The following PCDH15 variants were observed in gnomAD, a reference collection of about 807,000 sequenced individuals.
PCDH15 encodes protocadherin-15.
PCDH15 carries 129 observed loss-of-function variants against 178.5 expected under a neutral mutation model. That is an observed-to-expected ratio of 0.72 (90% CI 0.63 to 0.84). The LOEUF (loss-of-function observed/expected upper bound fraction) is 0.84, where lower values mean the gene tolerates loss of function less well. Among genes scored for constraint, PCDH15 ranks in the 40% least tolerant of loss-of-function variants. The pLI is 0.00. For synonymous variants in PCDH15, 800 were observed against 732.0 expected (o/e 1.09, Z -1.50); for missense variants, 2,230 against 2,099.9 (o/e 1.06, Z -1.21).
At chr10:53,830,831 T>C (rs1391243170) in intron 30 of PCDH15, among the ~76,000 whole-genome samples, 1 of 152,158 alleles carries the variant, frequency 6.6e-6, no homozygotes, top group African/African-American at 2.4e-5. Context: ...TTACATGCTA[T>C]GATTTTACAA....
chr10:54,975,450 T>C (rs370676861), intron 2 of PCDH15, among the ~76,000 whole-genome samples: 1 of 152,184 alleles, frequency 6.6e-6, no homozygotes, highest in Non-Finnish European at 1.5e-5. Context: ...TGTTAGTGTT[T>C]TGCGGAACCG....
chr10:55,487,315 A>G (rs1270882225), intron 2 of PCDH15, among the ~76,000 whole-genome samples: 2 of 151,660 alleles, frequency 1.3e-5, no homozygotes, highest in Non-Finnish European at 3.0e-5. Flanking sequence ...GCACAATCTC[A>G]TAAGCACAAC....
chr10:55,280,810 C>G (rs1389761249), intron 1 of PCDH15, among the ~76,000 whole-genome samples: 4 of 152,042 alleles, frequency 2.6e-5, no homozygotes, highest in Admixed American at 6.6e-5. Context: ...ATGACCACCT[C>G]AATGTTCTGC....
At position 54,752,513 on chromosome 10, in the gene PCDH15, CAAACAAACAAACAAACA is replaced by C. The variant is rs1467500259; in HGVS notation, c.-29+48395_-29+48411del. On this transcript the variant is annotated intron_variant, in intron 1 of 37. Transcript: ENST00000644397. ...AAAACAAAAAACAAAAAACAAAAAA[CAAACAAACAAACAAACA>C]AAAAAAAACAATAAAACAATTTTCC... Among the ~76,000 whole-genome samples the C allele has an allele frequency of 1.4e-3, 77 of 54,650 alleles. 10 individuals are homozygous for C. The highest frequency in any genetic ancestry group is 0.015 in the Middle Eastern group (1 of 68). The allele number at this position is 54,650 out of a possible 152,430, so 35.9% of individuals were successfully genotyped here. A position where few individuals can be genotyped will look rare whatever the true frequency, so the allele number is the denominator to read the frequency against.
At chr10:55,461,385 G>A (rs1029022549) in intron 2 of PCDH15, among the ~76,000 whole-genome samples, 1 of 152,044 alleles carries the variant, frequency 6.6e-6, no homozygotes, top group Non-Finnish European at 1.5e-5. Flanking sequence ...TTTCACATCA[G>A]CATGTATTTA....
intron 27 of PCDH15, among the ~76,000 whole-genome samples, chr10:53,859,041 T>A (rs983251831): frequency 2.0e-5 from 3 of 151,918 alleles, no homozygotes; most frequent in African/African-American, 4.8e-5. Context: ...CCTCCTTTTT[T>A]TCTTTCTTTT....
At chr10:53,943,087 A>C (rs2086210409) in intron 23 of PCDH15, among the ~76,000 whole-genome samples, 2 of 152,208 alleles carry the variant, frequency 1.3e-5, no homozygotes, top group South Asian at 4.1e-4. Context: ...ACTGCACAAG[A>C]TAGAAGCTAA....
chr10:54,761,557 T>C (rs1947873980), intron 1 of PCDH15, among the ~76,000 whole-genome samples: 1 of 151,884 alleles, frequency 6.6e-6, no homozygotes. Context: ...GTGATACACA[T>C]TTGTAATCCA....
chr10:54,789,433 G>A (rs68010557), intron 1 of PCDH15, among the ~76,000 whole-genome samples: 3 of 151,732 alleles, frequency 2.0e-5, no homozygotes, highest in Non-Finnish European at 4.4e-5. Context: ...GTGTGTGTGT[G>A]TATGTGTGTG....
chr10:54,273,900 G>A (rs1564838928), intron 8 of PCDH15, among the ~76,000 whole-genome samples: 1 of 152,016 alleles, frequency 6.6e-6, no homozygotes, highest in Non-Finnish European at 1.5e-5. Context: ...GCCCACCAGT[G>A]GTCTGCGGGA....
chr10:55,413,229 C>T (rs1036630545), intron 2 of PCDH15, among the ~76,000 whole-genome samples: 7 of 151,390 alleles, frequency 4.6e-5, no homozygotes, highest in African/African-American at 1.7e-4. Flanking sequence ...TACATTTATT[C>T]ATTTATTCAC....
At chr10:54,017,870 G>T (rs963247457) in intron 20 of PCDH15, among the ~76,000 whole-genome samples, 2 of 151,918 alleles carry the variant, frequency 1.3e-5, no homozygotes, top group African/African-American at 4.8e-5. Context: ...TGTGACTGAA[G>T]AATTATCTTA....
intron 1 of PCDH15, among the ~76,000 whole-genome samples, chr10:54,704,174 C>G (rs1291768068): frequency 6.6e-6 from 1 of 152,040 alleles, no homozygotes; most frequent in Admixed American, 6.6e-5. Context: ...CCAAGAAATA[C>G]CATTCTGGAC....
intron 2 of PCDH15, among the ~76,000 whole-genome samples, chr10:55,113,609 T>C (rs1217606339): frequency 6.6e-6 from 1 of 152,184 alleles, no homozygotes; most frequent in Non-Finnish European, 1.5e-5. Flanking sequence ...TTCCTCCACT[T>C]CCACTGGAGA....
intron 25 of PCDH15, among the ~76,000 whole-genome samples, chr10:53,922,058 G>A (rs919680188): frequency 6.6e-6 from 1 of 151,696 alleles, no homozygotes; most frequent in African/African-American, 2.4e-5. Context: ...GAAGAAAGTT[G>A]TCTTTGTTTA....
intron 15 of PCDH15, among the ~76,000 whole-genome samples, chr10:54,127,907 G>A (rs2042115335): frequency 6.6e-6 from 1 of 151,980 alleles, no homozygotes; most frequent in Non-Finnish European, 1.5e-5. Flanking sequence ...TTAATATGAT[G>A]CCTTACTCAT....
At chr10:54,827,323 C>T (rs946862195) in intron 3 of PCDH15, among the ~76,000 whole-genome samples, 1 of 152,046 alleles carries the variant, frequency 6.6e-6, no homozygotes, top group Non-Finnish European at 1.5e-5. Context: ...CTGCAGTGAA[C>T]ACTTTATTTT....
intron 2 of PCDH15, among the ~76,000 whole-genome samples, chr10:55,118,228 T>C (rs1837674659): frequency 6.6e-6 from 1 of 152,174 alleles, no homozygotes; most frequent in South Asian, 2.1e-4. Context: ...TAGGGCTGTT[T>C]CAGGGATGAA....
intron 2 of PCDH15, among the ~76,000 whole-genome samples, chr10:54,547,981 C>T (rs1486845451): frequency 1.3e-5 from 2 of 151,076 alleles, no homozygotes; most frequent in Non-Finnish European, 2.9e-5. Context: ...ATTGTTGAGA[C>T]TTGATATTTT....
Sources: allele counts gnomAD v4.1 joint callset (sites outside exome capture counted in the v4.1 genomes callset), GRCh38; gene constraint gnomAD v4.1.1; transcripts MANE v1.5; gene names NCBI Gene and HGNC (gene_info 2026-07-23, HGNC 2026-07-21).